The following KCNIP3 variants were observed in gnomAD, a reference collection of about 807,000 sequenced individuals.
The protein encoded by KCNIP3 is calsenilin.
In KCNIP3, 28 loss-of-function variants were observed where a neutral mutation model predicts 35.0. That is an observed-to-expected ratio of 0.80 (90% confidence interval 0.59 to 1.10). The LOEUF is 1.10. Among genes scored for constraint, KCNIP3 ranks in the 50% least tolerant of loss-of-function variants. The probability of loss-of-function intolerance (pLI) is 0.00; values close to 1 mark genes in which losing one functional copy is unlikely to be tolerated. For synonymous variants in KCNIP3, 134 were observed against 133.8 expected (o/e 1.00, Z -0.01); for missense variants, 295 against 338.4 (o/e 0.87, Z 1.01).
At chr2:95,307,770 G>T (rs1420197660) in intron 1 of KCNIP3, among the ~76,000 whole-genome samples, 1 of 152,192 alleles carries the variant, frequency 6.6e-6, no homozygotes, top group African/African-American at 2.4e-5. Context: ...GGGGCTGGGG[G>T]TCCCAGTGAA....
chr2:95,346,545 C>T (rs1208189267), intron 2 of KCNIP3, among the ~76,000 whole-genome samples: 1 of 146,784 alleles, frequency 6.8e-6, no homozygotes, highest in Admixed American at 6.8e-5. Context: ...AATGAGCGCG[C>T]GGGGAGCGGC....
intron 2 of KCNIP3, among the ~76,000 whole-genome samples, chr2:95,323,012 T>A (rs1573489167): frequency 6.6e-6 from 1 of 152,354 alleles, no homozygotes; most frequent in East Asian, 1.9e-4. Flanking sequence ...AATGGGCTGC[T>A]GTGGTCCTGG....
rs2104303186 is a variant in KCNIP3, at chr2:95,377,222, A to C, written c.447+2014A>C. 6.6e-6 allele frequency among the ~76,000 whole-genome samples: 1 copy of C among 152,362 alleles called. No individual in the cohort carries two copies. The highest frequency in any genetic ancestry group is 6.5e-5 in the Admixed American group (1 of 15,312). ...CTTGCCAGGACGTGCAGAGCTTCCAAAACGATTCCGTAGACTGTTGGGGCC... is the reference window on the plus strand; with the variant it reads ...CTTGCCAGGACGTGCAGAGCTTCCACAACGATTCCGTAGACTGTTGGGGCC... On this transcript the variant is annotated intron_variant, in intron 5 of 8. Transcript: ENST00000295225. The surrounding 1 kb of genome is among the most constrained non-coding windows in gnomAD (Gnocchi z 4.7).
chr2:95,344,312 GCTTC>G (rs1424244941), intron 2 of KCNIP3, among the ~76,000 whole-genome samples: 1 of 152,146 alleles, frequency 6.6e-6, no homozygotes, highest in Non-Finnish European at 1.5e-5. Flanking sequence ...TCGCCTGCTG[GCTTC>G]CTTCTCCAAG....
intron 2 of KCNIP3, among the ~76,000 whole-genome samples, chr2:95,326,817 C>T (rs1263047639): frequency 6.6e-6 from 1 of 152,232 alleles, no homozygotes; most frequent in East Asian, 1.9e-4. Flanking sequence ...GCTCTGCCCA[C>T]ATGGCTGAGC....
At chr2:95,365,991 T>A (rs1387169160) in intron 2 of KCNIP3, among the ~76,000 whole-genome samples, 1 of 152,138 alleles carries the variant, frequency 6.6e-6, no homozygotes, top group African/African-American at 2.4e-5. Flanking sequence ...TTTATTTACT[T>A]ACTTAGTTTT....
chr2:95,327,390 C>A (rs1678820949), intron 2 of KCNIP3, among the ~76,000 whole-genome samples: 1 of 152,120 alleles, frequency 6.6e-6, no homozygotes, highest in South Asian at 2.1e-4. Context: ...CACACGCACA[C>A]ATACACACAC....
chr2:95,352,518 G>A (rs1467960238), intron 2 of KCNIP3, among the ~76,000 whole-genome samples: 1 of 152,060 alleles, frequency 6.6e-6, no homozygotes, highest in African/African-American at 2.4e-5. Context: ...GGACTTAGCA[G>A]CCCCTCCTGG....
chr2:95,382,494 C>A lies in KCNIP3; in HGVS notation c.660+13C>A. On this transcript the variant is annotated intron_variant, in intron 7 of 8. Coordinates refer to ENST00000295225, the MANE Select transcript of KCNIP3 (RefSeq NM_013434.5). This position sits in a 1 kb window ranked among gnomAD's most constrained non-coding sequence, Gnocchi z 4.5. ...GAGGTTCTTCGAGGTGAGCGAGCGC[C>A]AGCCCTGCCTAGGGAGGGGAGCCTG... is the stretch of plus-strand genomic sequence containing the variant. 6.3e-7 allele frequency: 1 copy of A among 1,581,332 alleles called. No homozygotes were observed. Among genetic ancestry groups the A allele is most frequent in the Non-Finnish European group, 8.6e-7 (1 of 1,162,410 alleles).
chr2:95,355,152 A>G (rs1175324343), intron 2 of KCNIP3: 2 of 152,066 alleles, frequency 1.3e-5, no homozygotes, highest in East Asian at 1.9e-4. Context: ...CTTGGGGACC[A>G]CCGGAGATGG....
rs1678279412 is a variant in KCNIP3, at chr2:95,310,354, G to A, written c.16-1G>A. ...GGCTGCTCTGCCTGTTCCTACTGCA[G>A]GAAGTGACAAAGGCGTCGGACGGCA... On this transcript the variant is annotated splice_acceptor_variant, in intron 1 of 8. Coordinates refer to ENST00000295225, the MANE Select transcript of KCNIP3 (RefSeq NM_013434.5). LOFTEE classifies it high-confidence loss of function. 2 of 1,611,890 alleles carry A rather than the reference G, an allele frequency of 1.2e-6. No individual in the cohort carries two copies. Among genetic ancestry groups the A allele is most frequent in the African/African-American group, 1.3e-5 (1 of 75,002 alleles).
chr2:95,365,733 C>T (rs1442322091), intron 2 of KCNIP3, among the ~76,000 whole-genome samples: 4 of 152,076 alleles, frequency 2.6e-5, no homozygotes, highest in African/African-American at 7.2e-5. Context: ...TAAGTTCATC[C>T]TACTCTGTAG....
At chr2:95,363,241 C>A (rs1312889562) in intron 2 of KCNIP3, among the ~76,000 whole-genome samples, 1 of 152,186 alleles carries the variant, frequency 6.6e-6, no homozygotes, top group Non-Finnish European at 1.5e-5. Flanking sequence ...ATAGCTCTAT[C>A]ATTTACCATT....
chr2:95,375,245 C>G, intron 5 of KCNIP3, 37 bp downstream of exon 5: 2 of 1,590,424 alleles, frequency 1.3e-6, no homozygotes, highest in Non-Finnish European at 1.7e-6. Flanking sequence ...TGTCCTGCCC[C>G]TGTGGTTGCA....
intron 2 of KCNIP3, among the ~76,000 whole-genome samples, chr2:95,321,296 A>G (rs1314059469): frequency 1.3e-5 from 2 of 152,092 alleles, no homozygotes; most frequent in Non-Finnish European, 2.9e-5. Context: ...CTTCTCTCAA[A>G]CTCAACAGGA....
intron 1 of KCNIP3, among the ~76,000 whole-genome samples, chr2:95,306,753 C>T (rs1678183439): frequency 1.3e-5 from 2 of 152,260 alleles, no homozygotes; most frequent in South Asian, 2.1e-4. Flanking sequence ...TCCATCTCAT[C>T]ACTGCCCCAG....
rs748187243 is a variant in KCNIP3 at position 95,310,425 on chromosome 2, G to T, written c.86G>T (p.Gly29Val). The T allele has an allele frequency of 3.3e-5, 53 of 1,613,692 alleles. No homozygotes were observed. The highest frequency in any genetic ancestry group is 4.4e-5 in the Non-Finnish European group (52 of 1,179,878). Residue 29 changes from glycine to valine, a missense_variant, in exon 2 of 9, where the codon GGT (glycine) becomes GTT (valine). Transcript: ENST00000295225. ...LGHTPLSKKE[G>V]IKWQRPRLSR... The stretch of plus-strand genomic sequence containing the variant: ...CACACACCACTTAGCAAGAAGGAGG[G>T]TATCAAGTGGCAGAGGCCGAGGCTC...
chr2:95,339,719 G>A (rs1208042731), intron 2 of KCNIP3, among the ~76,000 whole-genome samples: 1 of 152,172 alleles, frequency 6.6e-6, no homozygotes, highest in Non-Finnish European at 1.5e-5. Context: ...CCAACACTGT[G>A]AATAAGCCTT....
chr2:95,312,510 CAG>C (rs1678347552), intron 2 of KCNIP3: 2 of 152,402 alleles, frequency 1.3e-5, no homozygotes, highest in African/African-American at 4.8e-5. Flanking sequence ...GCACAGGAGA[CAG>C]GGCCAGGGCT....
Sources: gnomAD v4.1 joint callset for allele counts (sites outside exome capture counted in the v4.1 genomes callset) on GRCh38, gnomAD v4.1.1 for gene constraint, Gnocchi (gnomAD v3.1) non-coding constraint, MANE v1.5 for transcripts, NCBI Gene and HGNC (gene_info 2026-07-23, HGNC 2026-07-21) for gene names.